The following FBXO36 variants were observed in gnomAD, a reference collection of about 807,000 sequenced individuals.
FBXO36 encodes F-box only protein 36.
In FBXO36, 18 loss-of-function variants were observed where a neutral mutation model predicts 17.0. The ratio of observed to expected loss-of-function variants is 1.06; its 90% CI spans 0.73 to 1.57. The LOEUF (loss-of-function observed/expected upper bound fraction) is 1.57. Among genes scored for constraint, FBXO36 ranks in the 40% most tolerant of loss-of-function variants. FBXO36 has a pLI of 0.00. For missense variants in FBXO36, 229 were observed against 221.9 expected, an observed-to-expected ratio of 1.03 and a Z score of -0.20; for synonymous variants, 83 against 85.3, an observed-to-expected ratio of 0.97 and a Z score of 0.15.
At position 229,990,509 on chromosome 2, in the gene FBXO36, AAAAATACGTTAATATGGC is replaced by A. The variant is rs2077292959; in HGVS notation, c.206-6238_206-6221del. On this transcript the variant is annotated intron_variant, in intron 2 of 3. Transcript: ENST00000283946. ...CTATACTTTTGAGATGGTTATCTAA[AAAAATACGTTAATATGGC>A]AAATTCTGTAAGATATTTACCAAAG... 2.0e-5 allele frequency among the ~76,000 whole-genome samples: 3 copies of A among 152,144 alleles called. No individual in the cohort carries two copies. The South Asian group carries it at 6.2e-4, about 31-fold the overall frequency.
At chr2:229,925,254 G>A (rs2076906353) in intron 1 of FBXO36, among the ~76,000 whole-genome samples, 1 of 151,968 alleles carries the variant, frequency 6.6e-6, no homozygotes, top group Non-Finnish European at 1.5e-5. Context: ...TTCTACCAGT[G>A]AGAGTTAATC....
intron 1 of FBXO36, among the ~76,000 whole-genome samples, chr2:229,930,635 C>T (rs1037432320): frequency 3.3e-4 from 50 of 152,030 alleles, no homozygotes; most frequent in African/African-American, 1.2e-3. Flanking sequence ...CCTGTAATCC[C>T]AGCTACTCAG....
At chr2:229,984,577 A>G (rs2077258410) in intron 2 of FBXO36, among the ~76,000 whole-genome samples, 1 of 151,024 alleles carries the variant, frequency 6.6e-6, no homozygotes, top group South Asian at 2.1e-4. Context: ...TTTAGTAGAG[A>G]CGGGGTTTTA....
At chr2:229,943,861 A>G (rs148778871) in intron 1 of FBXO36, among the ~76,000 whole-genome samples, 3 of 152,230 alleles carry the variant, frequency 2.0e-5, no homozygotes, top group East Asian at 3.9e-4. Context: ...CTCAGTTCAA[A>G]TTGTAATCCC....
chr2:229,934,388 G>A (rs1294071552), intron 1 of FBXO36, among the ~76,000 whole-genome samples: 8 of 152,084 alleles, frequency 5.3e-5, no homozygotes, highest in Non-Finnish European at 1.0e-4. Flanking sequence ...GCGACAGAGC[G>A]AGACTCTGTC....
At chr2:229,996,120 T>A (rs1192234159) in intron 2 of FBXO36, among the ~76,000 whole-genome samples, 2 of 151,082 alleles carry the variant, frequency 1.3e-5, no homozygotes, top group Non-Finnish European at 2.9e-5. Context: ...TAAAAAAAAA[T>A]TTAAAAAAAT....
chr2:229,989,023 A>G (rs1396034921), intron 2 of FBXO36, among the ~76,000 whole-genome samples: 1 of 152,022 alleles, frequency 6.6e-6, no homozygotes, highest in Non-Finnish European at 1.5e-5. Flanking sequence ...CGTATCACAG[A>G]TAATGCCAAA....
intron 2 of FBXO36, among the ~76,000 whole-genome samples, chr2:229,979,456 A>G (rs1037432779): frequency 1.3e-5 from 2 of 151,354 alleles, no homozygotes; most frequent in African/African-American, 2.4e-5. Context: ...TTAGAGAGGG[A>G]AGGTTTTGTT....
chr2:230,000,445 A>G (rs1425817638), intron 3 of FBXO36, among the ~76,000 whole-genome samples: 1 of 151,654 alleles, frequency 6.6e-6, no homozygotes, highest in Non-Finnish European at 1.5e-5. Context: ...AAAATATGCA[A>G]GTGGGGATCT....
chr2:229,987,458 CTT>C (rs1560451239), intron 2 of FBXO36, among the ~76,000 whole-genome samples: 1 of 151,826 alleles, frequency 6.6e-6, no homozygotes, highest in Non-Finnish European at 1.5e-5. Flanking sequence ...CATTCATTAA[CTT>C]TTTTCATAGA....
At chr2:229,961,836 A>T (rs1036228321) in intron 1 of FBXO36, among the ~76,000 whole-genome samples, 1 of 152,092 alleles carries the variant, frequency 6.6e-6, no homozygotes, top group Non-Finnish European at 1.5e-5. Context: ...ATGCCTCTCA[A>T]TTTGTTCAGG....
At chr2:229,923,782 T>G (rs1329719789) in intron 1 of FBXO36, among the ~76,000 whole-genome samples, 1 of 151,414 alleles carries the variant, frequency 6.6e-6, no homozygotes, top group African/African-American at 2.4e-5. Flanking sequence ...CTTAGGGGGT[T>G]TTGCACATTT....
chr2:230,005,846 T>A (rs2077384503), intron 3 of FBXO36, among the ~76,000 whole-genome samples: 2 of 152,080 alleles, frequency 1.3e-5, no homozygotes, highest in South Asian at 4.2e-4. Flanking sequence ...TTTTGTATTT[T>A]TAGTAGAGAT....
intron 2 of FBXO36, among the ~76,000 whole-genome samples, chr2:229,983,436 G>A (rs2077251374): frequency 1.3e-5 from 2 of 151,104 alleles, no homozygotes; most frequent in African/African-American, 2.4e-5. Flanking sequence ...GTATCTGGGA[G>A]TGCAGGTGCA....
chr2:229,930,451 C>T (rs933021958), intron 1 of FBXO36, among the ~76,000 whole-genome samples: 1 of 152,048 alleles, frequency 6.6e-6, no homozygotes, highest in Non-Finnish European at 1.5e-5. Flanking sequence ...TCCCTCTTCC[C>T]TTAAGAGAGA....
Position 229,999,276 on chromosome 2 carries a change from A to G in FBXO36, c.378+2353A>G, listed in dbSNP as rs113549711. ...CGAGTAACTGGGATTACAGGCACCC[A>G]CCATCATGCCCAGCTAATTTTTATA... On this transcript the variant is annotated intron_variant, in intron 3 of 3. Coordinates refer to ENST00000283946, the MANE Select transcript of FBXO36 (RefSeq NM_174899.5). 4.0e-3 allele frequency among the ~76,000 whole-genome samples: 608 copies of G among 150,270 alleles called. 3 individuals are homozygous for G. Among genetic ancestry groups the G allele is most frequent in the African/African-American group, 0.014 (575 of 40,882 alleles).
At chr2:229,975,578 G>A (rs1421874863) in intron 1 of FBXO36, among the ~76,000 whole-genome samples, 1 of 150,658 alleles carries the variant, frequency 6.6e-6, no homozygotes, top group Admixed American at 6.6e-5. Flanking sequence ...GGGCTCAGGG[G>A]ATCCTCCCAC....
At chr2:229,930,729 C>A (rs546593336) in intron 1 of FBXO36, among the ~76,000 whole-genome samples, 1 of 151,990 alleles carries the variant, frequency 6.6e-6, no homozygotes, top group Non-Finnish European at 1.5e-5. Flanking sequence ...CAAGCCTGGG[C>A]GACAGTGAGA....
intron 2 of FBXO36, among the ~76,000 whole-genome samples, chr2:229,991,226 G>A (rs1313597732): frequency 6.6e-6 from 1 of 152,114 alleles, no homozygotes; most frequent in East Asian, 1.9e-4. Context: ...ATGAGCTACT[G>A]TGCCTGGCCT....
Sources: allele counts gnomAD v4.1 joint callset (sites outside exome capture counted in the v4.1 genomes callset), GRCh38; gene constraint gnomAD v4.1.1; transcripts MANE v1.5; gene names NCBI Gene and HGNC (gene_info 2026-07-23, HGNC 2026-07-21).